PDS5B: variants seen among roughly 807,000 people sequenced by gnomAD.
PDS5B encodes sister chromatid cohesion protein PDS5 homolog B.
PDS5B carries 51 observed loss-of-function variants against 184.1 expected under a neutral mutation model. That is an observed-to-expected ratio of 0.28 (90% CI 0.22 to 0.35). The LOEUF (loss-of-function observed/expected upper bound fraction) is 0.35. Ranked by LOEUF, PDS5B falls within the 10% of genes least tolerant of loss-of-function variation. PDS5B has a pLI of 1.00. For synonymous variants in PDS5B, 566 were observed against 569.2 expected (o/e 0.99, Z 0.08); for missense variants, 1,180 against 1,723.3 (o/e 0.68, Z 5.58).
Position 32,753,743 on chromosome 13 carries a change from A to G in PDS5B, c.2941+207A>G, listed in dbSNP as rs911924059. Among the ~76,000 whole-genome samples the G allele has an allele frequency of 4.6e-5, 7 of 152,208 alleles. No individual in the cohort carries two copies. In the South Asian group the frequency reaches 6.2e-4, roughly 14 times the overall value. On this transcript the variant is annotated intron_variant, in intron 25 of 34. Coordinates refer to ENST00000315596, the MANE Select transcript of PDS5B (RefSeq NM_015032.4). ...AATATCAACCTATATCTGTTTATGT[A>G]AAGGACTAAATGGCCAAGGAAAATA...
chr13:32,617,727 C>T (rs1334576200), intron 1 of PDS5B, among the ~76,000 whole-genome samples: 1 of 152,114 alleles, frequency 6.6e-6, no homozygotes, highest in Non-Finnish European at 1.5e-5. Context: ...AATTTGTATT[C>T]CTCTTATTAC....
At chr13:32,721,211 G>T (rs1276830864) in intron 19 of PDS5B, among the ~76,000 whole-genome samples, 6 of 151,656 alleles carry the variant, frequency 4.0e-5, no homozygotes, top group African/African-American at 1.2e-4. Context: ...CTTCCCAGAC[G>T]TGGCAGCCGG....
intron 17 of PDS5B, among the ~76,000 whole-genome samples, chr13:32,704,300 C>T (rs188413111): frequency 2.0e-5 from 3 of 152,116 alleles, no homozygotes; most frequent in Non-Finnish European, 1.5e-5. Flanking sequence ...TTACAAGTAA[C>T]TGGGATTACA....
intron 28 of PDS5B, among the ~76,000 whole-genome samples, chr13:32,758,901 A>T (rs1258216617): frequency 6.6e-6 from 1 of 152,122 alleles, no homozygotes; most frequent in Admixed American, 6.5e-5. Context: ...AAGCATGTGA[A>T]TCTGTGAATT....
intron 8 of PDS5B, among the ~76,000 whole-genome samples, chr13:32,674,265 A>G (rs1337723529): frequency 6.6e-6 from 1 of 152,222 alleles, no homozygotes; most frequent in Non-Finnish European, 1.5e-5. Context: ...GTGGACCCAG[A>G]AAAGTTCTTA....
chr13:32,696,795 T>C, intron 14 of PDS5B, 59 bp from the exon 15 acceptor site: 4 of 1,187,824 alleles, frequency 3.4e-6, no homozygotes, highest in Middle Eastern at 1.9e-4. Context: ...TTTTGCAGAG[T>C]ATGATGAAGT....
At chr13:32,661,022 A>G (rs929022106) in intron 6 of PDS5B, among the ~76,000 whole-genome samples, 6 of 152,214 alleles carry the variant, frequency 3.9e-5, no homozygotes, top group African/African-American at 1.4e-4. Flanking sequence ...TGAAAGGAGT[A>G]ATGATAAGAG....
chr13:32,595,466 A>G (rs2057850038), intron 1 of PDS5B, among the ~76,000 whole-genome samples: 1 of 152,224 alleles, frequency 6.6e-6, no homozygotes, highest in Non-Finnish European at 1.5e-5. Context: ...ATGTTATGTT[A>G]TATCCTTCTG....
intron 1 of PDS5B, among the ~76,000 whole-genome samples, chr13:32,610,615 AAT>A (rs958785281): frequency 1.9e-4 from 24 of 125,962 alleles, no homozygotes; most frequent in Non-Finnish European, 2.9e-4. Flanking sequence ...ATTTGAACCA[AAT>A]TTTTTTTTTT....
intron 6 of PDS5B, among the ~76,000 whole-genome samples, chr13:32,660,674 T>C (rs957596831): frequency 6.6e-6 from 1 of 152,192 alleles, no homozygotes; most frequent in African/African-American, 2.4e-5. Flanking sequence ...CCGTTGATTG[T>C]CGTGGAGAAG....
chr13:32,622,864 C>G (rs9591180), intron 1 of PDS5B, among the ~76,000 whole-genome samples: 49,521 of 152,038 alleles, frequency 0.33, 8,395 homozygotes, highest in Non-Finnish European at 0.38. Flanking sequence ...GCCTGCTGCA[C>G]AGAAAAAACC....
At chr13:32,713,366 C>G (rs1003689890) in intron 19 of PDS5B, among the ~76,000 whole-genome samples, 11 of 152,136 alleles carry the variant, frequency 7.2e-5, no homozygotes, top group Admixed American at 3.3e-4. Flanking sequence ...TTAACAAACA[C>G]AAAACCTATG....
At chr13:32,599,627 A>G (rs2057940986) in intron 1 of PDS5B, among the ~76,000 whole-genome samples, 1 of 151,678 alleles carries the variant, frequency 6.6e-6, no homozygotes, top group Non-Finnish European at 1.5e-5. Context: ...TTACTTAAAA[A>G]ATACCGGCCG....
chr13:32,760,537 T>G lies in PDS5B; in HGVS notation c.3373-38T>G, dbSNP rs372141439. 12 of 1,601,676 alleles carry G rather than the reference T, an allele frequency of 7.5e-6. No homozygotes were observed. The African/African-American group carries it at 1.6e-4, about 22-fold the overall frequency. On this transcript the variant is annotated intron_variant, in intron 29 of 34. Transcript: ENST00000315596. ...CTTTACACGTAACTTTCTTTTGGCT[T>G]TAACCAAATAAAAAGAGATGTGCAT...
At chr13:32,600,102 C>A (rs1426318889) in intron 1 of PDS5B, among the ~76,000 whole-genome samples, 1 of 152,124 alleles carries the variant, frequency 6.6e-6, no homozygotes, top group Non-Finnish European at 1.5e-5. Context: ...ATGCACCCTT[C>A]AGTTACAGTA....
intron 19 of PDS5B, among the ~76,000 whole-genome samples, chr13:32,726,414 G>A (rs895338678): frequency 6.6e-6 from 1 of 152,068 alleles, no homozygotes; most frequent in Non-Finnish European, 1.5e-5. Context: ...TTGTATTTGC[G>A]CCTTTTGTGT....
At chr13:32,737,663 C>G (rs1415622176) in intron 21 of PDS5B, among the ~76,000 whole-genome samples, 2 of 152,262 alleles carry the variant, frequency 1.3e-5, no homozygotes, top group East Asian at 1.9e-4. Context: ...TCAAAACAAC[C>G]TAGTCACATC....
At position 32,711,753 on chromosome 13, in the gene PDS5B, A is replaced by ATGTATG. The variant is rs932128660; in HGVS notation, c.2123+1663_2123+1668dup. Among the ~76,000 whole-genome samples the ATGTATG allele has an allele frequency of 1.6e-4, 24 of 152,302 alleles. No individual in the cohort carries two copies. In the South Asian group the frequency reaches 2.1e-3, roughly 13 times the overall value. On this transcript the variant is annotated intron_variant, in intron 19 of 34. Coordinates refer to ENST00000315596, the MANE Select transcript of PDS5B (RefSeq NM_015032.4). The stretch of plus-strand genomic sequence containing the variant: ...AGATCAGAGATGAGAGTTTGGTTGT[A>ATGTATG]TGTATGTGTATGTGTATGTGTGTAT...
At chr13:32,689,420 C>A (rs950777684) in intron 13 of PDS5B, 1 of 151,776 alleles carries the variant, frequency 6.6e-6, no homozygotes, top group Non-Finnish European at 1.5e-5. Flanking sequence ...TTTTTTCCTA[C>A]CTGCTGTATT....
Sources: allele counts gnomAD v4.1 joint callset (sites outside exome capture counted in the v4.1 genomes callset), GRCh38; gene constraint gnomAD v4.1.1; transcripts MANE v1.5; gene names NCBI Gene and HGNC (gene_info 2026-07-23, HGNC 2026-07-21).